RSRC1: variants seen among roughly 807,000 people sequenced by gnomAD.
The protein encoded by RSRC1 is serine/Arginine-related protein 53.
Under a neutral mutation model 49.1 loss-of-function variants are expected in RSRC1, and 39 were observed. That is an observed-to-expected ratio of 0.79 (90% CI 0.61 to 1.04). RSRC1 has a LOEUF of 1.04. RSRC1 is among the 50% of genes least tolerant of loss of function. RSRC1 has a pLI of 0.00. For synonymous variants in RSRC1, 143 were observed against 130.8 expected, an observed-to-expected ratio of 1.09 and a Z score of -0.63; for missense variants, 388 against 402.4, an observed-to-expected ratio of 0.96 and a Z score of 0.31.
At chr3:158,279,345 A>T (rs1726000197) in intron 4 of RSRC1, among the ~76,000 whole-genome samples, 1 of 152,246 alleles carries the variant, frequency 6.6e-6, no homozygotes, top group African/African-American at 2.4e-5. Flanking sequence ...TTATATAGTG[A>T]CACTAAAATA....
At chr3:158,363,307 A>T (rs1731581574) in intron 6 of RSRC1, among the ~76,000 whole-genome samples, 1 of 144,240 alleles carries the variant, frequency 6.9e-6, no homozygotes, top group South Asian at 2.1e-4. Context: ...TCTGTCACCC[A>T]GGCTGGAGTA....
At chr3:158,463,893 C>T (rs1737744991) in intron 7 of RSRC1, among the ~76,000 whole-genome samples, 1 of 152,054 alleles carries the variant, frequency 6.6e-6, no homozygotes, top group Non-Finnish European at 1.5e-5. Flanking sequence ...TAGTGAATAT[C>T]GCTAGTACAT....
chr3:158,348,558 T>G (rs2108227714), intron 5 of RSRC1, among the ~76,000 whole-genome samples: 1 of 149,926 alleles, frequency 6.7e-6, no homozygotes, highest in South Asian at 2.1e-4. Context: ...TCTTAGAAGT[T>G]TTTGTGTGTT....
chr3:158,359,415 T>C (rs1358611589), intron 6 of RSRC1, among the ~76,000 whole-genome samples: 1 of 152,234 alleles, frequency 6.6e-6, no homozygotes, highest in African/African-American at 2.4e-5. Flanking sequence ...TTGATTTTTG[T>C]AGACACCACT....
intron 3 of RSRC1, among the ~76,000 whole-genome samples, chr3:158,136,084 G>A (rs996920436): frequency 1.3e-5 from 2 of 152,038 alleles, no homozygotes; most frequent in African/African-American, 4.8e-5. Context: ...TACTTAATTT[G>A]CATTTCTACC....
At chr3:158,130,117 T>C (rs1246042767) in intron 3 of RSRC1, among the ~76,000 whole-genome samples, 3 of 152,182 alleles carry the variant, frequency 2.0e-5, no homozygotes, top group African/African-American at 7.2e-5. Flanking sequence ...CTCTTTTAGG[T>C]TGACAGATGG....
intron 6 of RSRC1, among the ~76,000 whole-genome samples, chr3:158,362,692 G>A (rs1386978323): frequency 2.0e-5 from 3 of 152,172 alleles, no homozygotes; most frequent in African/African-American, 7.2e-5. Flanking sequence ...AGGAAGTTTA[G>A]GTAAGGACTC....
intron 6 of RSRC1, among the ~76,000 whole-genome samples, chr3:158,445,873 A>C (rs1464999933): frequency 3.9e-5 from 6 of 152,146 alleles, no homozygotes; most frequent in Admixed American, 2.6e-4. Flanking sequence ...GGTTCACCAA[A>C]AAAATCACAT....
At chr3:158,327,244 T>C (rs1013272089) in intron 5 of RSRC1, among the ~76,000 whole-genome samples, 2 of 152,212 alleles carry the variant, frequency 1.3e-5, no homozygotes, top group African/African-American at 4.8e-5. Flanking sequence ...TCAGTTCTTC[T>C]CTGATCTTGG....
intron 6 of RSRC1, among the ~76,000 whole-genome samples, chr3:158,361,411 G>A (rs1014671573): frequency 2.0e-4 from 30 of 152,264 alleles, no homozygotes; most frequent in Non-Finnish European, 2.9e-5. Context: ...CTTGGGGCGG[G>A]TCTCAACCAG....
intron 6 of RSRC1, among the ~76,000 whole-genome samples, chr3:158,375,012 G>A (rs6774461): frequency 2.0e-5 from 3 of 151,702 alleles, no homozygotes; most frequent in South Asian, 4.2e-4. Flanking sequence ...TCGTTATTTC[G>A]CAGTTTTGCA....
At chr3:158,388,303 CAT>C (rs1236576157) in intron 6 of RSRC1, among the ~76,000 whole-genome samples, 2 of 151,852 alleles carry the variant, frequency 1.3e-5, no homozygotes, top group Non-Finnish European at 2.9e-5. Context: ...ACTTTTTAAA[CAT>C]ATTTATGGAA....
intron 4 of RSRC1, among the ~76,000 whole-genome samples, chr3:158,275,478 G>T (rs1439392823): frequency 6.6e-6 from 1 of 152,168 alleles, no homozygotes; most frequent in African/African-American, 2.4e-5. Flanking sequence ...AAAGCTGCAG[G>T]TTTCATCACA....
intron 7 of RSRC1, among the ~76,000 whole-genome samples, chr3:158,479,491 C>G (rs1578527937): frequency 6.6e-6 from 1 of 151,782 alleles, no homozygotes; most frequent in East Asian, 1.9e-4. Flanking sequence ...ATTGTTGTCT[C>G]TTTCAGTGGA....
At chr3:158,180,416 T>TTGG in intron 3 of RSRC1, among the ~76,000 whole-genome samples, 1 of 12,188 alleles carries the variant, frequency 8.2e-5, no homozygotes, top group Admixed American at 8.8e-4. Flanking sequence ...TTTTTTTTTT[T>TTGG]GCCGTGTGTG....
intron 3 of RSRC1, among the ~76,000 whole-genome samples, chr3:158,145,206 C>G (rs1717009499): frequency 6.6e-6 from 1 of 152,176 alleles, no homozygotes; most frequent in African/African-American, 2.4e-5. Flanking sequence ...AGTCCTTGCC[C>G]ATGCCTAAGT....
At position 158,180,393 on chromosome 3, in the gene RSRC1, CTTTTTTTT is replaced by C. The variant is rs1163298458; in HGVS notation, c.321-22663_321-22656del. ...AAAGTATGAGGTTTAGGTCGAGGTTCTTTTTTTTTTTTTTTTTTTTTTTGCCGTGTGTG... is the reference window on the plus strand; with the variant it reads ...AAAGTATGAGGTTTAGGTCGAGGTTCTTTTTTTTTTTTTTTGCCGTGTGTG... On this transcript the variant is annotated intron_variant, in intron 3 of 9. Coordinates refer to ENST00000611884, the MANE Select transcript of RSRC1 (RefSeq NM_001271838.2). Among the ~76,000 whole-genome samples, 6 of 38,506 alleles carry C rather than the reference CTTTTTTTT, an allele frequency of 1.6e-4. No homozygotes were observed. The South Asian group carries it at 4.2e-3, about 27-fold the overall frequency. The allele number at this position is 38,506 out of a possible 152,430, so 25.3% of individuals were successfully genotyped here.
At chr3:158,246,416 A>T (rs767618545) in intron 4 of RSRC1, among the ~76,000 whole-genome samples, 16 of 151,724 alleles carry the variant, frequency 1.1e-4, no homozygotes, top group Non-Finnish European at 2.1e-4. Context: ...AAAGGATAGC[A>T]TTGTTATGTG....
chr3:158,416,319 T>G (rs1013579609), intron 6 of RSRC1, among the ~76,000 whole-genome samples: 2 of 152,070 alleles, frequency 1.3e-5, no homozygotes, highest in African/African-American at 4.8e-5. Context: ...TGTGTCCCCT[T>G]CCTTTGAATC....
Sources: allele counts gnomAD v4.1 joint callset (sites outside exome capture counted in the v4.1 genomes callset), GRCh38; gene constraint gnomAD v4.1.1; transcripts MANE v1.5; gene names NCBI Gene and HGNC (gene_info 2026-07-23, HGNC 2026-07-21).